ULK1: variants seen among roughly 807,000 people sequenced by gnomAD.
ULK1 encodes unc-51 like autophagy activating kinase 1.
A neutral mutation model predicts 117.5 loss-of-function variants in ULK1; 48 were observed. That is an observed-to-expected ratio of 0.41 (90% CI 0.32 to 0.52). ULK1 has a LOEUF of 0.52. Among genes scored for constraint, ULK1 ranks in the 20% least tolerant of loss-of-function variants. ULK1 has a pLI of 0.29. For synonymous variants in ULK1, 790 were observed against 637.8 expected (o/e 1.24, Z -3.60); for missense variants, 1,387 against 1,473.4 (o/e 0.94, Z 0.96).
At chr12:131,900,453 C>T (rs577739189) in intron 3 of ULK1, among the ~76,000 whole-genome samples, 34 of 152,310 alleles carry the variant, frequency 2.2e-4, no homozygotes, top group African/African-American at 7.2e-4. Context: ...CGCTGGGAGG[C>T]GGCTGGAGCA....
In ULK1 at chr12:131,903,168, G is replaced by T. The variant is rs987732082; in HGVS notation, c.247-3724G>T. ...GGCCCCCGTCGGGGGGTGTTGTGGC[G>T]CAGGGCCTGGGCCTGCAGCTGCCCT... On this transcript the variant is annotated intron_variant, in intron 3 of 27. Transcript: ENST00000321867. The surrounding 1 kb of genome is among the most constrained non-coding windows in gnomAD (Gnocchi z 6.0). 1.3e-5 allele frequency among the ~76,000 whole-genome samples: 2 copies of T among 152,174 alleles called. No homozygotes were observed. Among genetic ancestry groups the T allele is most frequent in the Non-Finnish European group, 2.9e-5 (2 of 68,016 alleles).
intron 23 of ULK1, among the ~76,000 whole-genome samples, 164 bp downstream of exon 23, chr12:131,918,845 C>CAGGTGTGTGGGGTGTA (rs1890000959): frequency 1.0e-3 from 3 of 2,972 alleles, no homozygotes; most frequent in Non-Finnish European, 2.2e-3. Context: ...TGTGGGGTGT[C>CAGGTGTGTGGGGTGTA]GGGTGTGTGG....
At chr12:131,910,519 G>A (rs778234601) in intron 11 of ULK1, among the ~76,000 whole-genome samples, 193 bp from the exon 12 acceptor site, 1 of 152,118 alleles carries the variant, frequency 6.6e-6, no homozygotes, top group Non-Finnish European at 1.5e-5. Context: ...ATGGGGATGG[G>A]GTGTTGGAGG....
intron 14 of ULK1, 149 bp from the exon 15 acceptor site, chr12:131,913,598 G>C (rs1889638841): frequency 9.0e-6 from 5 of 553,198 alleles, no homozygotes; most frequent in Non-Finnish European, 1.5e-5. Flanking sequence ...CCAGCTACTC[G>C]GGAGGCTGAG....
intron 22 of ULK1, 65 bp downstream of exon 22, chr12:131,917,619 G>T: frequency 7.6e-7 from 1 of 1,307,404 alleles, no homozygotes; most frequent in Non-Finnish European, 9.8e-7. Context: ...AGCGGACGGG[G>T]GCATCCTTTA....
In ULK1 at chr12:131,910,293, C is replaced by A; in HGVS notation, c.848C>A (p.Ser283Ter). The change falls in exon 11 of 28, where the codon TCG becomes TAG. Residue 283 changes from serine (S) to a stop codon, truncating the protein, a stop_gained. Coordinates refer to ENST00000321867, the MANE Select transcript of ULK1 (RefSeq NM_003565.4). LOFTEE classifies it high-confidence loss of function. The stretch of plus-strand genomic sequence containing the variant: ...CACCCTTTCCTCGATGCCAGCCCCT[C>A]GGTCAGGAAATGTGAGTTTCTGTGG... Reference protein sequence around the residue: ...FHHPFLDASPSVRKSPPVPVP... With the variant: ...FHHPFLDASP The A allele has an allele frequency of 6.2e-7, 1 of 1,613,808 alleles. No homozygotes were observed. Among genetic ancestry groups the A allele is most frequent in the Non-Finnish European group, 8.5e-7 (1 of 1,179,990 alleles).
rs138011167 is a variant in ULK1 at position 131,921,219 on chromosome 12, C to T, written c.3081C>T (p.Ile1027=). The change falls in exon 27 of 28, where the codon ATC becomes ATT. Residue 1027 remains isoleucine, a synonymous_variant. Transcript: ENST00000321867. ...LQHMLSDQAD[I]ENVTKCKLCI... ...ACATGCTCTCGGACCAGGCCGACAT[C>T]GAGAACGTCACCAAGTGTGAGTGCC... 59 of 1,607,228 alleles carry T rather than the reference C, an allele frequency of 3.7e-5. No homozygotes were observed. The highest frequency in any genetic ancestry group is 9.3e-5 in the African/African-American group (7 of 74,930).
In ULK1 at chr12:131,919,205, C is replaced by T; in HGVS notation, c.2512-7C>T. ...GCACTTGCCGCCCTGACGGCCGCTT[C>T]CTGCAGCAAGAGCACACGGAGATCC... is the stretch of plus-strand genomic sequence containing the variant. On this transcript the variant is annotated splice_polypyrimidine_tract_variant and splice_region_variant and intron_variant, in intron 23 of 27. Transcript: ENST00000321867. The T allele has an allele frequency of 6.3e-7, 1 of 1,589,664 alleles. No individual in the cohort carries two copies. The highest frequency in any genetic ancestry group is 8.5e-7 in the Non-Finnish European group (1 of 1,174,228).
chr12:131,906,778 A>G, intron 3 of ULK1, 114 bp from the exon 4 acceptor site: 2 of 1,334,728 alleles, frequency 1.5e-6, no homozygotes, highest in East Asian at 4.6e-5. Context: ...CTGGCTGACC[A>G]GCTAAGTCCT....
intron 3 of ULK1, chr12:131,897,763 T>C (rs61942426): frequency 6.6e-6 from 1 of 151,538 alleles, no homozygotes; most frequent in East Asian, 1.9e-4. Context: ...GAAAAAAAAT[T>C]AGCCAGGCAT....
chr12:131,918,936 TGC>T (rs1890014498), intron 23 of ULK1, among the ~76,000 whole-genome samples: 1 of 60,788 alleles, frequency 1.6e-5, no homozygotes, highest in Non-Finnish European at 3.7e-5. Flanking sequence ...GTGTGTGGGG[TGC>T]AGGGTGTGTG....
chr12:131,917,060 T>C lies in ULK1; in HGVS notation c.2180T>C (p.Ile727Thr). 1 of 1,350,642 alleles carries C rather than the reference T, an allele frequency of 7.4e-7. No homozygotes were observed. Among genetic ancestry groups the C allele is most frequent in the South Asian group, 1.2e-5 (1 of 81,662 alleles). The allele number at this position is 1,350,642 out of a possible 1,614,324, so 83.7% of individuals were successfully genotyped here. ...AGCCTGCAGGAGAAGCCCATGGAGA[T>C]CGGTGTGTGGGTGGGTGGGGCTCGG... ...TESLQEKPME[I>T]APSAGFGGSL... Residue 727 changes from isoleucine (I) to threonine (T), a missense_variant and splice_region_variant, in exon 21 of 28, where the codon ATC becomes ACC. This residue lies in a region of ULK1 where 900 missense variants were observed against 858.9 expected (regional missense o/e 1.05). Coordinates refer to ENST00000321867, the MANE Select transcript of ULK1 (RefSeq NM_003565.4).
chr12:131,899,331 G>A (rs150033258), intron 3 of ULK1, among the ~76,000 whole-genome samples: 1 of 152,040 alleles, frequency 6.6e-6, no homozygotes, highest in Non-Finnish European at 1.5e-5. Flanking sequence ...TGGGATTACA[G>A]ACATGCGCCA....
chr12:131,908,191 C>A (rs574965940), intron 5 of ULK1, among the ~76,000 whole-genome samples: 2 of 152,124 alleles, frequency 1.3e-5, no homozygotes, highest in Admixed American at 1.3e-4. Flanking sequence ...GACCCGCTGG[C>A]CCCCTCGCCT....
chr12:131,910,123 A>G (rs1209510941), intron 10 of ULK1, 122 bp downstream of exon 10: 2 of 1,564,400 alleles, frequency 1.3e-6, no homozygotes, highest in Non-Finnish European at 8.8e-7. Context: ...TCCACAAGCC[A>G]AGCGCAGGCA....
chr12:131,917,545 A>G lies in ULK1; in HGVS notation c.2317A>G (p.Met773Val). 2 of 1,436,138 alleles carry G rather than the reference A, an allele frequency of 1.4e-6. No homozygotes were observed. The highest frequency in any genetic ancestry group is 1.6e-5 in the South Asian group (1 of 64,508). 89.0% of individuals were successfully genotyped at this position (1,436,138 alleles called of 1,614,324 possible). Reference sequence around the variant, plus strand: ...GCCCCCCCAGGGCCCCCGCACCAGGATGTTCTCAGGTGAGGGCTGGCTAGG... The same window carrying G: ...GCCCCCCCAGGGCCCCCGCACCAGGGTGTTCTCAGGTGAGGGCTGGCTAGG... The part of the protein sequence containing the change: ...STPPQGPRTR[M>V]FSAGPTGSAS... Residue 773 changes from methionine (M) to valine (V), a missense_variant, in exon 22 of 28, where the codon ATG (methionine) becomes GTG (valine). Coordinates refer to ENST00000321867, the MANE Select transcript of ULK1 (RefSeq NM_003565.4).
At chr12:131,915,842 G>A (rs1290806265) in intron 18 of ULK1, 49 bp from the exon 19 acceptor site, 1 of 1,600,516 alleles carries the variant, frequency 6.2e-7, no homozygotes, top group African/African-American at 1.3e-5. Flanking sequence ...TGGGGCCTAG[G>A]GCTGGGCCGC....
rs1194285319 is a variant in ULK1, at chr12:131,919,352, C to G, written c.2652C>G (p.Ala884=). Residue 884 remains alanine (A), a synonymous_variant, in exon 24 of 28, where the codon GCC becomes GCG. Coordinates refer to ENST00000321867, the MANE Select transcript of ULK1 (RefSeq NM_003565.4). ...PEYQLQESVV[A]DQISLLSREW... ...ACCAGCTGCAGGAGAGTGTGGTGGC[C>G]GACCAGATCAGCCTGCTGAGCCGAG... 1 of 1,564,512 alleles carries G rather than the reference C, an allele frequency of 6.4e-7. No individual in the cohort carries two copies. The highest frequency in any genetic ancestry group is 2.3e-5 in the East Asian group (1 of 43,872).
intron 18 of ULK1, 30 bp from the exon 19 acceptor site, chr12:131,915,845 TGGGCCGCCGGACCGGA>T (rs1566124494): frequency 6.2e-7 from 1 of 1,601,008 alleles, no homozygotes; most frequent in South Asian, 1.1e-5. Flanking sequence ...GGCCTAGGGC[TGGGCCGCCGGACCGGA>T]AGGTCGTGAC....
Sources: gnomAD v4.1 joint callset for allele counts (sites outside exome capture counted in the v4.1 genomes callset) on GRCh38, gnomAD v4.1.1 for gene constraint, gnomAD v4.1.1 regional missense constraint, Gnocchi (gnomAD v3.1) non-coding constraint, MANE v1.5 for transcripts, NCBI Gene and HGNC (gene_info 2026-07-23, HGNC 2026-07-21) for gene names.